Variants in ACTL6A observed in about 807,000 individuals in gnomAD.
The protein encoded by ACTL6A is actin-like protein 6A.
A neutral mutation model predicts 59.2 loss-of-function variants in ACTL6A; 5 were observed. The observed-to-expected ratio is 0.08, with a 90% CI of 0.04 to 0.18. The LOEUF (loss-of-function observed/expected upper bound fraction) is 0.18. Ranked by LOEUF, ACTL6A falls within the 10% of genes least tolerant of loss-of-function variation. The probability of loss-of-function intolerance (pLI) is 1.00; values close to 1 mark genes in which losing one functional copy is unlikely to be tolerated. For missense variants in ACTL6A, 285 were observed against 526.9 expected, an observed-to-expected ratio of 0.54 and a Z score of 4.49; for synonymous variants, 154 against 171.8, an observed-to-expected ratio of 0.90 and a Z score of 0.81.
chr3:179,585,616 C>T (rs1469508687), intron 12 of ACTL6A, among the ~76,000 whole-genome samples: 5 of 152,148 alleles, frequency 3.3e-5, no homozygotes, highest in Non-Finnish European at 7.3e-5. Context: ...ACCTTCTACC[C>T]ACCCATATCC....
intron 8 of ACTL6A, among the ~76,000 whole-genome samples, chr3:179,579,039 G>A (rs1028209733): frequency 1.3e-5 from 2 of 152,126 alleles, no homozygotes; most frequent in African/African-American, 2.4e-5. Context: ...CACTGTGCCC[G>A]GCCCTATTTT....
In ACTL6A at chr3:179,562,987, G is replaced by A; in HGVS notation, c.-106G>A. The A allele has an allele frequency of 1.4e-6, 2 of 1,460,386 alleles. No homozygotes were observed. The highest frequency in any genetic ancestry group is 9.3e-7 in the Non-Finnish European group (1 of 1,070,552). The allele number at this position is 1,460,386 out of a possible 1,614,324, so 90.5% of individuals were successfully genotyped here. On this transcript the variant is annotated 5_prime_UTR_variant, in exon 1 of 14. Transcript: ENST00000429709. ...TTGTTGCCTGAGGTGGGTGGCGGTGGAAGTTAAGGGAGTCAGGGGCTATCG... is the reference window on the plus strand; with the variant it reads ...TTGTTGCCTGAGGTGGGTGGCGGTGAAAGTTAAGGGAGTCAGGGGCTATCG...
At chr3:179,567,597 A>G (rs7610384) in intron 1 of ACTL6A, among the ~76,000 whole-genome samples, 97,186 of 152,028 alleles carry the variant, frequency 0.64, 31,297 homozygotes, top group East Asian at 0.89. Context: ...TAACTATACA[A>G]TTAATTCATT....
At position 179,573,405 on chromosome 3, in the gene ACTL6A, A is replaced by G. The variant is rs201010303; in HGVS notation, c.314A>G (p.His105Arg). 607 of 1,592,922 alleles carry G rather than the reference A, an allele frequency of 3.8e-4. No homozygotes were observed. Among genetic ancestry groups the G allele is most frequent in the Admixed American group, 5.4e-4 (30 of 55,640 alleles). ...DWDSFQAILD[H>R]TYKMHVKSEA... ...GATAGTTTCCAAGCTATTTTGGATCATACCTACAAAATGCATGTCAAATCA... is the reference window on the plus strand; with the variant it reads ...GATAGTTTCCAAGCTATTTTGGATCGTACCTACAAAATGCATGTCAAATCA... Residue 105 changes from histidine (H) to arginine (R), a missense_variant, in exon 4 of 14, where the codon CAT becomes CGT. His to Arg is a conservative substitution (Grantham distance 29). Transcript: ENST00000429709.
intron 8 of ACTL6A, among the ~76,000 whole-genome samples, chr3:179,578,762 C>T (rs952373300): frequency 5.9e-5 from 9 of 152,200 alleles, no homozygotes; most frequent in African/African-American, 2.2e-4. Context: ...TCAGCAGCAT[C>T]TGTTATTTAT....
intron 4 of ACTL6A, 160 bp from the exon 5 acceptor site, chr3:179,574,207 GTTT>G (rs1165292001): frequency 2.4e-6 from 1 of 419,856 alleles, no homozygotes; most frequent in Non-Finnish European, 4.2e-6. Context: ...TATTATAGAG[GTTT>G]TTTTATTTTT....
intron 3 of ACTL6A, among the ~76,000 whole-genome samples, chr3:179,572,780 G>A (rs1470707050): frequency 2.0e-5 from 3 of 152,068 alleles, no homozygotes; most frequent in Non-Finnish European, 4.4e-5. Flanking sequence ...ACTCCAGTGT[G>A]GGGGACAGAA....
chr3:179,581,187 A>G lies in ACTL6A; in HGVS notation c.993A>G (p.Thr331=), dbSNP rs146107398. 5.9e-5 allele frequency: 96 copies of G among 1,614,000 alleles called. No individual in the cohort carries two copies. The Middle Eastern group carries it at 9.9e-4, about 17-fold the overall frequency. ...TAGGAGTCAGTCATGTTGTCACCAC[A>G]AGTGTTGGGATGTGTGATATTGACA... ...TMLGVSHVVT[T]SVGMCDIDIR... Residue 331 remains threonine, a synonymous_variant, in exon 11 of 14, where the codon ACA becomes ACG. Transcript: ENST00000429709.
chr3:179,583,713 A>G (rs1434186080), intron 12 of ACTL6A: 3 of 266,388 alleles, frequency 1.1e-5, no homozygotes, highest in South Asian at 5.1e-5. Context: ...GGCTCAGTCT[A>G]CTAGGATGGT....
chr3:179,569,587 G>A (rs922018419), intron 1 of ACTL6A, among the ~76,000 whole-genome samples: 17 of 152,186 alleles, frequency 1.1e-4, no homozygotes, highest in African/African-American at 4.1e-4. Context: ...CATGCCTGCA[G>A]CACTTTGGGA....
intron 1 of ACTL6A, among the ~76,000 whole-genome samples, chr3:179,563,442 C>T (rs1717732464): frequency 6.6e-6 from 1 of 152,234 alleles, no homozygotes; most frequent in Non-Finnish European, 1.5e-5. Context: ...CCGCCGGGCC[C>T]CGGCTTGGGT....
chr3:179,565,299 T>C (rs987047193), intron 1 of ACTL6A, among the ~76,000 whole-genome samples: 16 of 151,330 alleles, frequency 1.1e-4, no homozygotes, highest in African/African-American at 3.9e-4. Context: ...TAGCCAGGCG[T>C]GGTGGTGCAT....
intron 8 of ACTL6A, among the ~76,000 whole-genome samples, chr3:179,579,809 GTCTC>G (rs1274004235): frequency 6.6e-6 from 1 of 152,196 alleles, no homozygotes; most frequent in South Asian, 2.1e-4. Flanking sequence ...TAAAGACAGG[GTCTC>G]TCTCTGTCAC....
intron 12 of ACTL6A, among the ~76,000 whole-genome samples, chr3:179,584,118 C>T (rs1327188543): frequency 6.6e-6 from 1 of 152,164 alleles, no homozygotes; most frequent in Non-Finnish European, 1.5e-5. Flanking sequence ...GGCTAGAAGC[C>T]TCAAGGTGTC....
At position 179,576,236 on chromosome 3, in the gene ACTL6A, A is replaced by G; in HGVS notation, c.496A>G (p.Thr166Ala). 1 of 1,613,756 alleles carries G rather than the reference A, an allele frequency of 6.2e-7. No homozygotes were observed. The highest frequency in any genetic ancestry group is 8.5e-7 in the Non-Finnish European group (1 of 1,179,812). Reference sequence around the variant, plus strand: ...AACTAGATTTGCTAATGGTCGTTCTACTGGGCTGATTTTGGACAGTGGAGC... The same window carrying G: ...AACTAGATTTGCTAATGGTCGTTCTGCTGGGCTGATTTTGGACAGTGGAGC... ...VLTAFANGRS[T>A]GLILDSGATH... Residue 166 changes from threonine to alanine, a missense_variant, in exon 6 of 14, where the codon ACT becomes GCT. Coordinates refer to ENST00000429709, the MANE Select transcript of ACTL6A (RefSeq NM_004301.5).
At position 179,570,290 on chromosome 3, in the gene ACTL6A, T is replaced by C; in HGVS notation, c.277+49T>C. ...TGATTATGGAGTGTACATGTTATAT[T>C]TTAGATACAAAGTAGTAGCTTCCTA... On this transcript the variant is annotated intron_variant, in intron 3 of 13. Transcript: ENST00000429709. The surrounding 1 kb of genome is among the most constrained non-coding windows in gnomAD (Gnocchi z 4.3). 1 of 1,475,950 alleles carries C rather than the reference T, an allele frequency of 6.8e-7. No individual in the cohort carries two copies. Among genetic ancestry groups the C allele is most frequent in the Non-Finnish European group, 9.1e-7 (1 of 1,101,704 alleles). 91.4% of individuals were successfully genotyped at this position (1,475,950 alleles called of 1,614,324 possible).
chr3:179,572,565 G>A (rs1278601175), intron 3 of ACTL6A, among the ~76,000 whole-genome samples: 1 of 152,210 alleles, frequency 6.6e-6, no homozygotes, highest in Non-Finnish European at 1.5e-5. Flanking sequence ...CAGCACTTTG[G>A]AGGCTGAGGT....
chr3:179,564,293 A>C (rs1216701528), intron 1 of ACTL6A, among the ~76,000 whole-genome samples: 1 of 152,152 alleles, frequency 6.6e-6, no homozygotes, highest in African/African-American at 2.4e-5. Flanking sequence ...AAAGGATGTC[A>C]TTTTACAGGT....
rs934382805 is a variant in ACTL6A at position 179,570,106 on chromosome 3, G to A, written c.142G>A (p.Asp48Asn). 2.5e-6 allele frequency: 4 copies of A among 1,614,144 alleles called. No individual in the cohort carries two copies. In the Admixed American group the frequency reaches 6.7e-5, roughly 27 times the overall value. Reference protein sequence around the residue: ...PTAIGMVVERDDGSTLMEIDG... With the variant: ...PTAIGMVVERNDGSTLMEIDG... ...AGCTATTGGTATGGTGGTAGAAAGA[G>A]ATGACGGAAGCACATTAATGGAAAT... The change falls in exon 3 of 14, where the codon GAT (aspartate) becomes AAT (asparagine). Residue 48 changes from aspartate (D) to asparagine (N), a missense_variant. Physicochemically the swap from Asp to Asn is conservative, Grantham distance 23. Coordinates refer to ENST00000429709, the MANE Select transcript of ACTL6A (RefSeq NM_004301.5). This position sits in a 1 kb window ranked among gnomAD's most constrained non-coding sequence, Gnocchi z 4.3.
Sources: gnomAD v4.1 joint callset for allele counts (sites outside exome capture counted in the v4.1 genomes callset) on GRCh38, gnomAD v4.1.1 for gene constraint, Gnocchi (gnomAD v3.1) non-coding constraint, MANE v1.5 for transcripts, NCBI Gene and HGNC (gene_info 2026-07-23, HGNC 2026-07-21) for gene names.